WWC2: variants seen among roughly 807,000 people sequenced by gnomAD.
The protein encoded by WWC2 is WW and C2 domain containing 2.
WWC2 carries 101 observed loss-of-function variants against 138.5 expected under a neutral mutation model. The observed-to-expected ratio is 0.73, with a 90% CI of 0.62 to 0.86. WWC2 has a LOEUF of 0.86. Among genes scored for constraint, WWC2 ranks in the 40% least tolerant of loss-of-function variants. The pLI, the probability that WWC2 is intolerant of heterozygous loss-of-function variation, is 0.00. For missense variants in WWC2, 1,420 were observed against 1,419.4 expected (o/e 1.00, Z -0.01); for synonymous variants, 558 against 538.4 (o/e 1.04, Z -0.50).
intron 1 of WWC2, among the ~76,000 whole-genome samples, chr4:183,100,962 A>G (rs17354970): frequency 0.032 from 4,912 of 152,328 alleles, 94 homozygotes; most frequent in South Asian, 0.044. Context: ...AGTTGTTGTC[A>G]TAAACTTCAC....
At chr4:183,178,798 AC>A (rs1160252588) in intron 1 of WWC2, among the ~76,000 whole-genome samples, 1 of 152,174 alleles carries the variant, frequency 6.6e-6, no homozygotes, top group Non-Finnish European at 1.5e-5. Context: ...ATCGAGAACT[AC>A]AAGTAAGGCT....
In WWC2 at chr4:183,099,531, C is replaced by G; in HGVS notation, c.40C>G (p.Arg14Gly). Residue 14 changes from arginine to glycine, a missense_variant, in exon 1 of 23, where the codon CGG (arginine) becomes GGG (glycine). Transcript: ENST00000403733. The stretch of plus-strand genomic sequence containing the variant: ...CGGGAGCGGTCAGCTGCCGCTGCCC[C>G]GGGGCTGGGAGGAGGCCAGGGACTA... ...RAGSGQLPLP[R>G]GWEEARDYDG... 3.6e-6 allele frequency: 5 copies of G among 1,401,450 alleles called. No homozygotes were observed. Among genetic ancestry groups the G allele is most frequent in the Admixed American group, 2.4e-5 (1 of 41,936 alleles). The allele number at this position is 1,401,450 out of a possible 1,614,324, so 86.8% of individuals were successfully genotyped here. A position where few individuals can be genotyped will look rare whatever the true frequency, so the allele number is the denominator to read the frequency against.
At chr4:183,187,318 C>T (rs1734836513) in intron 1 of WWC2, among the ~76,000 whole-genome samples, 1 of 151,952 alleles carries the variant, frequency 6.6e-6, no homozygotes, top group African/African-American at 2.4e-5. Context: ...CTTTGGGAGG[C>T]CGAGGCGGGT....
chr4:183,240,237 G>A lies in WWC2; in HGVS notation c.577G>A (p.Glu193Lys). 1 of 1,552,706 alleles carries A rather than the reference G, an allele frequency of 6.4e-7. No homozygotes were observed. Among genetic ancestry groups the A allele is most frequent in the South Asian group, 1.2e-5 (1 of 83,454 alleles). ...SQMKQELLYK[E>K]QGFETLQQID... ...GATGAAGCAGGAACTGCTCTATAAA[G>A]AACAAGGCTTTGAAACATTGCAGCA... is the stretch of plus-strand genomic sequence containing the variant. Residue 193 changes from glutamate to lysine, a missense_variant, in exon 5 of 23, where the codon GAA (glutamate) becomes AAA (lysine). Glu to Lys is a moderately conservative substitution (Grantham distance 56). Transcript: ENST00000403733.
chr4:183,285,934 C>T, intron 19 of WWC2, 33 bp from the exon 20 acceptor site: 3 of 1,539,908 alleles, frequency 1.9e-6, no homozygotes, highest in Non-Finnish European at 2.6e-6. Context: ...GTTTGATATG[C>T]AGTGATTTTT....
intron 9 of WWC2, among the ~76,000 whole-genome samples, chr4:183,256,264 T>G (rs1332733851): frequency 2.0e-5 from 3 of 152,198 alleles, no homozygotes; most frequent in Non-Finnish European, 2.9e-5. Flanking sequence ...CTTGATCAGC[T>G]TAAAGCTTTC....
chr4:183,290,495 C>T (rs953398671), intron 21 of WWC2, among the ~76,000 whole-genome samples: 7 of 148,254 alleles, frequency 4.7e-5, no homozygotes, highest in Admixed American at 6.8e-5. Context: ...CCAGCCTGGG[C>T]GACAGAGTGA....
intron 4 of WWC2, among the ~76,000 whole-genome samples, chr4:183,229,224 A>G (rs1736168002): frequency 6.6e-6 from 1 of 152,086 alleles, no homozygotes; most frequent in African/African-American, 2.4e-5. Context: ...TACTTCTAAG[A>G]AACCTGGAAG....
At chr4:183,180,282 G>A (rs946338624) in intron 1 of WWC2, among the ~76,000 whole-genome samples, 1 of 152,250 alleles carries the variant, frequency 6.6e-6, no homozygotes, top group East Asian at 1.9e-4. Context: ...CATCTGCAAC[G>A]CAGATATCCT....
At chr4:183,154,325 T>C (rs768159186) in intron 1 of WWC2, among the ~76,000 whole-genome samples, 1 of 152,176 alleles carries the variant, frequency 6.6e-6, no homozygotes, top group African/African-American at 2.4e-5. Context: ...GGACCTTAAG[T>C]CAAAGGCTTA....
At chr4:183,105,997 T>G (rs1015517827) in intron 1 of WWC2, among the ~76,000 whole-genome samples, 4 of 151,912 alleles carry the variant, frequency 2.6e-5, no homozygotes, top group African/African-American at 9.7e-5. Flanking sequence ...TTTTTTTTTT[T>G]GACAAGAGTT....
chr4:183,258,029 A>C (rs1737202424), intron 9 of WWC2, among the ~76,000 whole-genome samples: 1 of 152,222 alleles, frequency 6.6e-6, no homozygotes, highest in East Asian at 1.9e-4. Flanking sequence ...GAGAAGGGAC[A>C]GCACTGAAAG....
intron 1 of WWC2, among the ~76,000 whole-genome samples, chr4:183,191,544 G>C (rs1416975695): frequency 2.0e-5 from 3 of 152,110 alleles, no homozygotes; most frequent in Non-Finnish European, 4.4e-5. Flanking sequence ...GTAAGTGGCA[G>C]AATAAAGATT....
At chr4:183,246,702 T>C (rs1280436320) in intron 6 of WWC2, among the ~76,000 whole-genome samples, 1 of 152,222 alleles carries the variant, frequency 6.6e-6, no homozygotes, top group Non-Finnish European at 1.5e-5. Context: ...CTTAAAGTCA[T>C]ACAGCTGGTA....
At chr4:183,214,850 T>TGAGA (rs1318796192) in intron 4 of WWC2, among the ~76,000 whole-genome samples, 1 of 152,144 alleles carries the variant, frequency 6.6e-6, no homozygotes, top group Non-Finnish European at 1.5e-5. Context: ...TGACTAGACA[T>TGAGA]GAGAGATATC....
intron 1 of WWC2, among the ~76,000 whole-genome samples, chr4:183,152,293 G>A (rs116572684): frequency 2.0e-5 from 3 of 151,918 alleles, no homozygotes; most frequent in African/African-American, 7.3e-5. Context: ...GAGCTCAGGG[G>A]TTTGAGACCA....
At chr4:183,104,907 T>C (rs995061271) in intron 1 of WWC2, among the ~76,000 whole-genome samples, 14 of 152,090 alleles carry the variant, frequency 9.2e-5, no homozygotes, top group African/African-American at 3.4e-4. Context: ...AAAATAAATA[T>C]TTTATTTATT....
At chr4:183,276,928 T>C (rs1737873098) in intron 16 of WWC2, among the ~76,000 whole-genome samples, 1 of 152,038 alleles carries the variant, frequency 6.6e-6, no homozygotes, top group Non-Finnish European at 1.5e-5. Flanking sequence ...TGTTGAGCTT[T>C]TGGAGGACAA....
At chr4:183,217,923 G>GA (rs199904397) in intron 4 of WWC2, among the ~76,000 whole-genome samples, 3,307 of 149,570 alleles carry the variant, frequency 0.022, 53 homozygotes, top group Middle Eastern at 0.062. Context: ...AAGGCAGAAT[G>GA]AAAAAAAAAG....
Sources: gnomAD v4.1 joint callset for allele counts (sites outside exome capture counted in the v4.1 genomes callset) on GRCh38, gnomAD v4.1.1 for gene constraint, MANE v1.5 for transcripts, NCBI Gene and HGNC (gene_info 2026-07-23, HGNC 2026-07-21) for gene names.